ZNF385D: variants seen among roughly 807,000 people sequenced by gnomAD.
ZNF385D encodes zinc finger protein 659.
A neutral mutation model predicts 35.8 loss-of-function variants in ZNF385D; 15 were observed. The observed-to-expected ratio is 0.42, with a 90% CI of 0.28 to 0.64. The LOEUF (loss-of-function observed/expected upper bound fraction) is 0.64, where lower values mean the gene tolerates loss of function less well. Among genes scored for constraint, ZNF385D ranks in the 30% least tolerant of loss-of-function variants. The pLI is 0.23. For missense variants in ZNF385D, 474 were observed against 494.6 expected, an observed-to-expected ratio of 0.96 and a Z score of 0.39; for synonymous variants, 212 against 186.8, an observed-to-expected ratio of 1.13 and a Z score of -1.10.
chr3:22,276,224 G>A (rs1334833947), intron 2 of ZNF385D, among the ~76,000 whole-genome samples: 1 of 152,012 alleles, frequency 6.6e-6, no homozygotes, highest in South Asian at 2.1e-4. Flanking sequence ...AATATCAATG[G>A]AGAAAACACT....
intron 1 of ZNF385D, among the ~76,000 whole-genome samples, chr3:21,700,580 T>C (rs1301559552): frequency 6.6e-6 from 1 of 152,210 alleles, no homozygotes; most frequent in Admixed American, 6.5e-5. Flanking sequence ...ACTCTGGCTC[T>C]GACAAGTTTT....
intron 3 of ZNF385D, among the ~76,000 whole-genome samples, chr3:21,982,364 T>C (rs1411675307): frequency 1.3e-5 from 2 of 152,064 alleles, no homozygotes; most frequent in African/African-American, 2.4e-5. Flanking sequence ...GAATCGCCTT[T>C]CTGATTTGGC....
At chr3:22,028,483 A>G (rs572276943) in intron 3 of ZNF385D, among the ~76,000 whole-genome samples, 2 of 152,314 alleles carry the variant, frequency 1.3e-5, no homozygotes, top group South Asian at 2.1e-4. Context: ...TGAGCCCTCA[A>G]TATGGCACCA....
chr3:21,753,539 A>G (rs2070198721), upstream of ZNF385D, among the ~76,000 whole-genome samples: 1 of 152,184 alleles, frequency 6.6e-6, no homozygotes, highest in South Asian at 2.1e-4. Context: ...ATATCTATAC[A>G]ATGTAATTCT....
chr3:21,991,380 C>A (rs1043421942), intron 3 of ZNF385D, among the ~76,000 whole-genome samples: 1 of 152,190 alleles, frequency 6.6e-6, no homozygotes, highest in Admixed American at 6.5e-5. Flanking sequence ...CATGCCACCA[C>A]AAAGCCGTGA....
At chr3:21,726,195 T>C (rs959530583) in intron 1 of ZNF385D, among the ~76,000 whole-genome samples, 1 of 152,162 alleles carries the variant, frequency 6.6e-6, no homozygotes, top group African/African-American at 2.4e-5. Context: ...ATAAGAGCTA[T>C]TTATGATAAA....
At chr3:21,790,969 A>T (rs1397764674) in intron 3 of ZNF385D, among the ~76,000 whole-genome samples, 1 of 152,208 alleles carries the variant, frequency 6.6e-6, no homozygotes, top group Non-Finnish European at 1.5e-5. Flanking sequence ...AAACAAAAAA[A>T]CAGCATAAAC....
chr3:21,542,918 A>G (rs2062227597), intron 3 of ZNF385D: 2 of 152,884 alleles, frequency 1.3e-5, no homozygotes, highest in South Asian at 2.1e-4. Context: ...CTTGGGACGG[A>G]CAAGAACCCA....
At chr3:21,631,873 CT>C (rs2065291008) in intron 2 of ZNF385D, among the ~76,000 whole-genome samples, 1 of 152,094 alleles carries the variant, frequency 6.6e-6, no homozygotes. Flanking sequence ...GGGATGCAAT[CT>C]CATCATGTTC....
chr3:22,359,867 T>C (rs546057400), intron 2 of ZNF385D, among the ~76,000 whole-genome samples: 1 of 152,046 alleles, frequency 6.6e-6, no homozygotes, highest in African/African-American at 2.4e-5. Flanking sequence ...GACTATTTTT[T>C]AAACCTGTGT....
chr3:21,938,604 C>G (rs1006820031), intron 3 of ZNF385D, among the ~76,000 whole-genome samples: 1 of 152,172 alleles, frequency 6.6e-6, no homozygotes, highest in Non-Finnish European at 1.5e-5. Context: ...TACAATTTGG[C>G]TACATTCTTC....
Position 22,081,433 on chromosome 3 carries a change from T to C in ZNF385D, c.325+87384A>G, listed in dbSNP as rs150824030. Among the ~76,000 whole-genome samples the C allele has an allele frequency of 1.8e-4, 27 of 152,330 alleles. 1 individual carries two copies. Among genetic ancestry groups the C allele is most frequent in the African/African-American group, 6.3e-4 (26 of 41,578 alleles). On this transcript the variant is annotated intron_variant, in intron 3 of 5. Transcript: ENST00000494108. Reference sequence around the variant, plus strand: ...AGTTTATAGTGAAACACACATATACTGTAAGCAAGTTTTTAGAACTATGAA... The same window carrying C: ...AGTTTATAGTGAAACACACATATACCGTAAGCAAGTTTTTAGAACTATGAA...
intron 3 of ZNF385D, among the ~76,000 whole-genome samples, chr3:21,953,369 G>C (rs1321628602): frequency 6.6e-6 from 1 of 151,288 alleles, no homozygotes; most frequent in Non-Finnish European, 1.5e-5. Context: ...CTGGATCTTT[G>C]AATTCCATTC....
intron 3 of ZNF385D, among the ~76,000 whole-genome samples, chr3:21,861,989 C>A (rs1476241402): frequency 2.0e-5 from 3 of 152,044 alleles, no homozygotes; most frequent in African/African-American, 7.2e-5. Context: ...ATCAAGTGAG[C>A]CCTAACACTA....
intron 2 of ZNF385D, among the ~76,000 whole-genome samples, chr3:21,591,481 A>G (rs2063975026): frequency 1.3e-5 from 2 of 152,150 alleles, no homozygotes; most frequent in Non-Finnish European, 2.9e-5. Flanking sequence ...TTTACCTTTA[A>G]TGAGTTGATT....
At chr3:21,488,836 G>A (rs1705213517) in intron 4 of ZNF385D, among the ~76,000 whole-genome samples, 1 of 152,056 alleles carries the variant, frequency 6.6e-6, no homozygotes, top group African/African-American at 2.4e-5. Context: ...CAGCTCTCTG[G>A]AAGGAAAGTT....
At chr3:22,092,637 T>C (rs1185755255) in intron 3 of ZNF385D, among the ~76,000 whole-genome samples, 1 of 152,146 alleles carries the variant, frequency 6.6e-6, no homozygotes, top group Non-Finnish European at 1.5e-5. Context: ...TTCAGCCTTA[T>C]GGGTAGTGGC....
chr3:22,253,375 T>A (rs1700158257), intron 2 of ZNF385D, among the ~76,000 whole-genome samples: 1 of 151,990 alleles, frequency 6.6e-6, no homozygotes, highest in African/African-American at 2.4e-5. Flanking sequence ...GGAACATAAG[T>A]GAAAACAAGT....
intron 3 of ZNF385D, among the ~76,000 whole-genome samples, chr3:22,156,477 G>A (rs1316833024): frequency 6.6e-6 from 1 of 152,062 alleles, no homozygotes; most frequent in Non-Finnish European, 1.5e-5. Flanking sequence ...GGTTTAGAGA[G>A]AGAGAGAACG....
Sources: allele counts gnomAD v4.1 joint callset (sites outside exome capture counted in the v4.1 genomes callset), GRCh38; gene constraint gnomAD v4.1.1; transcripts MANE v1.5; gene names NCBI Gene and HGNC (gene_info 2026-07-23, HGNC 2026-07-21).